Variants in SAMD12 observed in about 807,000 individuals in gnomAD.
The protein encoded by SAMD12 is sterile alpha motif domain containing 12.
In SAMD12, 9 loss-of-function variants were observed where a neutral mutation model predicts 15.0. The ratio of observed to expected loss-of-function variants is 0.60; its 90% confidence interval spans 0.36 to 1.05. The LOEUF (loss-of-function observed/expected upper bound fraction) is 1.05. SAMD12 is among the 50% of genes least tolerant of loss of function. SAMD12 has a pLI of 0.01. For missense variants in SAMD12, 230 were observed against 234.2 expected, an observed-to-expected ratio of 0.98 and a Z score of 0.12; for synonymous variants, 86 against 90.1, an observed-to-expected ratio of 0.96 and a Z score of 0.25.
intron 4 of SAMD12, among the ~76,000 whole-genome samples, chr8:118,323,350 A>G (rs1335674018): frequency 2.6e-5 from 4 of 152,168 alleles, no homozygotes; most frequent in Admixed American, 6.6e-5. Flanking sequence ...TGCTGCATGC[A>G]TTTGTCATCA....
chr8:118,444,403 T>C (rs2130899616), intron 2 of SAMD12, among the ~76,000 whole-genome samples: 1 of 152,342 alleles, frequency 6.6e-6, no homozygotes, highest in East Asian at 1.9e-4. Context: ...CTTTCTGAAT[T>C]GGTCCTGGCC....
chr8:118,268,520 T>G (rs547318320), intron 4 of SAMD12, among the ~76,000 whole-genome samples: 34 of 152,208 alleles, frequency 2.2e-4, no homozygotes, highest in African/African-American at 8.2e-4. Flanking sequence ...TCTCAACATG[T>G]TCCATAATTC....
chr8:118,499,246 G>T (rs1373703673), intron 2 of SAMD12, among the ~76,000 whole-genome samples: 1 of 152,192 alleles, frequency 6.6e-6, no homozygotes, highest in Non-Finnish European at 1.5e-5. Flanking sequence ...TCCAGCCTGA[G>T]TGTGACACAC....
chr8:118,190,933 C>T (rs1337141742), exon 5 of SAMD12: 6 of 152,166 alleles, frequency 3.9e-5, no homozygotes, highest in East Asian at 1.9e-4. Context: ...CACAACAGAT[C>T]GATATTTTCT....
chr8:118,189,822 C>G (rs544520357), exon 5 of SAMD12: 2 of 151,940 alleles, frequency 1.3e-5, no homozygotes, highest in South Asian at 4.2e-4. Flanking sequence ...TTCTAAACAT[C>G]TTATGCCCTG....
chr8:118,149,178 T>C, the SAMD12 span, among the ~76,000 whole-genome samples: 1 of 152,222 alleles, frequency 6.6e-6, no homozygotes, highest in Non-Finnish European at 1.5e-5. Flanking sequence ...CACAGCTCAC[T>C]GCAAACTTGA....
chr8:118,385,504 A>G (rs1301034446), intron 3 of SAMD12, among the ~76,000 whole-genome samples: 1 of 152,228 alleles, frequency 6.6e-6, no homozygotes, highest in Admixed American at 6.5e-5. Context: ...TGGATTTGCC[A>G]GCCTCCATAA....
intron 2 of SAMD12, among the ~76,000 whole-genome samples, chr8:118,543,547 G>C (rs1826040475): frequency 6.6e-6 from 1 of 151,858 alleles, no homozygotes. Flanking sequence ...ATGTGGCCGA[G>C]GACAGCTTTA....
chr8:118,540,757 G>C (rs1825965187), intron 2 of SAMD12, among the ~76,000 whole-genome samples: 3 of 151,976 alleles, frequency 2.0e-5, no homozygotes, highest in Admixed American at 2.0e-4. Flanking sequence ...TTTATCTCAA[G>C]CTGGAATATA....
At chr8:118,209,141 C>T (rs1819948433) in intron 4 of SAMD12, among the ~76,000 whole-genome samples, 1 of 152,146 alleles carries the variant, frequency 6.6e-6, no homozygotes, top group African/African-American at 2.4e-5. Flanking sequence ...AAGACAGTCT[C>T]CAAGGTTATT....
At chr8:118,517,263 A>T (rs528493638) in intron 2 of SAMD12, among the ~76,000 whole-genome samples, 1 of 152,220 alleles carries the variant, frequency 6.6e-6, no homozygotes, top group Non-Finnish European at 1.5e-5. Context: ...TTTTGGGTAC[A>T]GACAGATTAC....
intron 4 of SAMD12, among the ~76,000 whole-genome samples, chr8:118,217,099 G>A (rs1413655457): frequency 2.0e-5 from 3 of 152,112 alleles, no homozygotes; most frequent in Non-Finnish European, 2.9e-5. Context: ...TGCCTCCTGG[G>A]TTCAAGCGAT....
intron 2 of SAMD12, among the ~76,000 whole-genome samples, chr8:118,513,081 G>C (rs144550782): frequency 6.6e-6 from 1 of 152,042 alleles, no homozygotes; most frequent in East Asian, 1.9e-4. Context: ...TGAGGGCAGG[G>C]ATCATCTTTA....
intron 3 of SAMD12, 57 bp downstream of exon 3, chr8:118,439,775 C>T (rs76954718): frequency 1.3e-6 from 2 of 1,552,954 alleles, no homozygotes; most frequent in Middle Eastern, 1.9e-4. Flanking sequence ...ATGGGAAAGG[C>T]TATCGTGACT....
intron 2 of SAMD12, among the ~76,000 whole-genome samples, chr8:118,443,670 C>T (rs1822822018): frequency 1.3e-5 from 2 of 152,180 alleles, no homozygotes; most frequent in African/African-American, 2.4e-5. Context: ...GTTTGCCACA[C>T]TTTAAGAGCT....
chr8:118,202,284 T>A lies in SAMD12; in HGVS notation c.434-4552A>T, dbSNP rs2514942. Among the ~76,000 whole-genome samples, 284 of 152,150 alleles carry A rather than the reference T, an allele frequency of 1.9e-3. 2 individuals carry two copies. Among genetic ancestry groups the A allele is most frequent in the Non-Finnish European group, 3.4e-3 (229 of 68,004 alleles). On this transcript the variant is annotated intron_variant, in intron 4 of 4. Transcript: ENST00000409003. ...TAAGTATCAGTGTTTTAATGCTAAA[T>A]GTCAATGTTCTAATGCTATAGCTGG... is the stretch of plus-strand genomic sequence containing the variant.
At chr8:118,539,622 C>A (rs1055967797) in intron 2 of SAMD12, among the ~76,000 whole-genome samples, 1 of 152,178 alleles carries the variant, frequency 6.6e-6, no homozygotes, top group Non-Finnish European at 1.5e-5. Flanking sequence ...TGGGGAAGAA[C>A]TGCTGGTCAC....
intron 4 of SAMD12, among the ~76,000 whole-genome samples, chr8:118,371,368 G>T (rs1449231330): frequency 6.6e-6 from 1 of 152,118 alleles, no homozygotes; most frequent in Non-Finnish European, 1.5e-5. Flanking sequence ...TAACTAGAAT[G>T]TTATTCAAAT....
chr8:118,155,180 A>G, the SAMD12 span, among the ~76,000 whole-genome samples: 1 of 152,194 alleles, frequency 6.6e-6, no homozygotes, highest in Non-Finnish European at 1.5e-5. Context: ...TGTATTATAA[A>G]GTGTGGGTTC....
Sources: gnomAD v4.1 joint callset for allele counts (sites outside exome capture counted in the v4.1 genomes callset) on GRCh38, gnomAD v4.1.1 for gene constraint, MANE v1.5 for transcripts, NCBI Gene and HGNC (gene_info 2026-07-23, HGNC 2026-07-21) for gene names.